The following HECW2 variants were observed in gnomAD, a reference collection of about 807,000 sequenced individuals.
HECW2 encodes the protein HECT, C2 and WW domain containing E3 ubiquitin protein ligase 2.
A neutral mutation model predicts 175.2 loss-of-function variants in HECW2; 61 were observed. That is an observed-to-expected ratio of 0.35 (90% CI 0.28 to 0.43). HECW2 has a LOEUF of 0.43. Among genes scored for constraint, HECW2 ranks in the 20% least tolerant of loss-of-function variants. The pLI is 1.00. For synonymous variants in HECW2, 671 were observed against 731.0 expected, an observed-to-expected ratio of 0.92 and a Z score of 1.32; for missense variants, 1,524 against 2,000.5, an observed-to-expected ratio of 0.76 and a Z score of 4.54.
intron 1 of HECW2, among the ~76,000 whole-genome samples, chr2:196,587,561 A>G (rs905633755): frequency 2.6e-5 from 4 of 152,232 alleles, no homozygotes; most frequent in African/African-American, 4.8e-5. Context: ...TTACACTTCA[A>G]TGAACTACTT....
intron 1 of HECW2, among the ~76,000 whole-genome samples, chr2:196,557,871 T>C (rs1193332237): frequency 3.9e-5 from 6 of 152,202 alleles, no homozygotes; most frequent in Non-Finnish European, 7.4e-5. Flanking sequence ...CTTTGTTTTA[T>C]TTTACATTTT....
At position 196,318,952 on chromosome 2, in the gene HECW2, A is replaced by G; in HGVS notation, c.1938T>C (p.Asn646=). The G allele has an allele frequency of 6.2e-7, 1 of 1,610,358 alleles. No individual in the cohort carries two copies. Among genetic ancestry groups the G allele is most frequent in the Admixed American group, 1.7e-5 (1 of 59,680 alleles). Residue 646 remains asparagine (N), a synonymous_variant, in exon 9 of 29, where the codon AAT becomes AAC. Transcript: ENST00000644978. The part of the protein sequence containing the change: ...SDLECADSSC[N]ESVTTQLSSV... Reference sequence around the variant, plus strand: ...AGGACAGCTGCGTGGTCACACTCTCATTGCAGGAGCTGTCAGCGCATTCCA... The same window carrying G: ...AGGACAGCTGCGTGGTCACACTCTCGTTGCAGGAGCTGTCAGCGCATTCCA...
intron 13 of HECW2, 137 bp from the exon 14 acceptor site, chr2:196,292,887 T>C: frequency 1.6e-6 from 1 of 636,664 alleles, no homozygotes. Context: ...TCTAGACCCA[T>C]GTATGGAAAC....
intron 1 of HECW2, among the ~76,000 whole-genome samples, chr2:196,557,409 A>G (rs1356544727): frequency 6.6e-6 from 1 of 152,054 alleles, no homozygotes; most frequent in Non-Finnish European, 1.5e-5. Flanking sequence ...AAAAAAAAAA[A>G]GTATCATGTC....
At chr2:196,393,486 G>A (rs1694571970) in intron 2 of HECW2, among the ~76,000 whole-genome samples, 1 of 152,058 alleles carries the variant, frequency 6.6e-6, no homozygotes. Flanking sequence ...ATCAACAAGT[G>A]GGCAAAGGAT....
At chr2:196,592,878 G>T (rs1691256934) in intron 1 of HECW2, 1 of 150,236 alleles carries the variant, frequency 6.7e-6, no homozygotes, top group Non-Finnish European at 1.5e-5. Context: ...CCTGCGGCCG[G>T]TCCGTGCGCG....
At chr2:196,242,008 C>A (rs1688475111) in intron 20 of HECW2, 76 bp downstream of exon 20, 4 of 1,401,456 alleles carry the variant, frequency 2.9e-6, no homozygotes, top group Non-Finnish European at 3.0e-6. Flanking sequence ...AAATCACAAT[C>A]AATTTCCTAG....
intron 1 of HECW2, among the ~76,000 whole-genome samples, chr2:196,446,805 G>A (rs941373): frequency 0.12 from 18,426 of 152,136 alleles, 1,398 homozygotes; most frequent in African/African-American, 0.22. Flanking sequence ...TAGGAAGAAA[G>A]GGCACATGTA....
At chr2:196,244,700 AAGG>A (rs372449901) in intron 19 of HECW2, among the ~76,000 whole-genome samples, 8 of 152,376 alleles carry the variant, frequency 5.3e-5, no homozygotes, top group African/African-American at 1.9e-4. Context: ...CTTGCAAAAG[AAGG>A]AGAATTTATA....
chr2:196,446,693 T>C (rs1398067684), intron 1 of HECW2, among the ~76,000 whole-genome samples: 1 of 152,164 alleles, frequency 6.6e-6, no homozygotes, highest in African/African-American at 2.4e-5. Context: ...AAGTCTGAGG[T>C]TACCAACTGA....
At chr2:196,400,790 T>C (rs1486413069) in intron 2 of HECW2, among the ~76,000 whole-genome samples, 7 of 150,288 alleles carry the variant, frequency 4.7e-5, no homozygotes, top group South Asian at 2.1e-4. Flanking sequence ...CTCCTCTCTC[T>C]GAGCCACTAA....
chr2:196,472,134 T>C (rs1424777042), intron 1 of HECW2, among the ~76,000 whole-genome samples: 3 of 151,314 alleles, frequency 2.0e-5, no homozygotes, highest in Non-Finnish European at 2.9e-5. Context: ...GAAAAAAAAA[T>C]AGTTGTAGTC....
chr2:196,469,636 C>G (rs1309082405), intron 1 of HECW2, among the ~76,000 whole-genome samples: 2 of 151,628 alleles, frequency 1.3e-5, no homozygotes, highest in Non-Finnish European at 2.9e-5. Context: ...ATTAAATAGT[C>G]ATAACAAAAA....
chr2:196,281,187 C>T (rs578045121), intron 14 of HECW2, among the ~76,000 whole-genome samples: 10 of 152,158 alleles, frequency 6.6e-5, no homozygotes, highest in African/African-American at 9.7e-5. Context: ...AAAAGCCTTG[C>T]AGTAGTGACT....
At chr2:196,371,170 T>G (rs1575471760) in intron 2 of HECW2, among the ~76,000 whole-genome samples, 1 of 152,206 alleles carries the variant, frequency 6.6e-6, no homozygotes, top group Non-Finnish European at 1.5e-5. Context: ...CAGGTACTCT[T>G]TGAACCACAT....
At chr2:196,362,734 A>G (rs1396761243) in intron 2 of HECW2, among the ~76,000 whole-genome samples, 3 of 152,240 alleles carry the variant, frequency 2.0e-5, no homozygotes, top group Admixed American at 1.3e-4. Flanking sequence ...CTTGTCTTAT[A>G]CTGGAAAGAG....
intron 1 of HECW2, among the ~76,000 whole-genome samples, chr2:196,537,387 C>T (rs1044199828): frequency 2.0e-5 from 3 of 152,032 alleles, no homozygotes; most frequent in African/African-American, 4.8e-5. Context: ...ACCCAGAGAC[C>T]GGCGAGCTAC....
intron 1 of HECW2, among the ~76,000 whole-genome samples, chr2:196,467,037 C>G (rs1696981893): frequency 6.6e-6 from 1 of 152,148 alleles, no homozygotes; most frequent in Non-Finnish European, 1.5e-5. Flanking sequence ...TAACCCTGAA[C>G]CTCCTGCTAG....
At chr2:196,337,206 G>A (rs1692579348) in intron 3 of HECW2, among the ~76,000 whole-genome samples, 1 of 152,110 alleles carries the variant, frequency 6.6e-6, no homozygotes, top group South Asian at 2.1e-4. Context: ...TTTGGTTATT[G>A]GAAGAGGTAA....
Sources: allele counts gnomAD v4.1 joint callset (sites outside exome capture counted in the v4.1 genomes callset), GRCh38; gene constraint gnomAD v4.1.1; transcripts MANE v1.5; gene names NCBI Gene and HGNC (gene_info 2026-07-23, HGNC 2026-07-21).